Variants in ATP6V1H observed in about 807,000 individuals in gnomAD.
ATP6V1H encodes the protein V-type proton ATPase subunit H.
Under a neutral mutation model 71.7 loss-of-function variants are expected in ATP6V1H, and 39 were observed. That is an observed-to-expected ratio of 0.54 (90% CI 0.42 to 0.71). The LOEUF is 0.71. Among genes scored for constraint, ATP6V1H ranks in the 30% least tolerant of loss-of-function variants. The pLI, the probability that ATP6V1H is intolerant of heterozygous loss-of-function variation, is 0.00. For missense variants in ATP6V1H, 509 were observed against 594.9 expected, an observed-to-expected ratio of 0.86 and a Z score of 1.50; for synonymous variants, 192 against 199.3, an observed-to-expected ratio of 0.96 and a Z score of 0.31.
intron 8 of ATP6V1H, among the ~76,000 whole-genome samples, chr8:53,797,919 A>G (rs965017374): frequency 3.9e-5 from 6 of 152,188 alleles, no homozygotes; most frequent in Non-Finnish European, 8.8e-5. Flanking sequence ...TCTTCATATC[A>G]AATTATATTA....
intron 9 of ATP6V1H, among the ~76,000 whole-genome samples, chr8:53,784,427 G>A (rs1218417076): frequency 6.6e-6 from 1 of 152,082 alleles, no homozygotes; most frequent in Non-Finnish European, 1.5e-5. Context: ...GAGCCTATGT[G>A]TGTCTCTGCA....
chr8:53,816,375 A>G (rs1810450009), intron 5 of ATP6V1H, among the ~76,000 whole-genome samples: 1 of 152,134 alleles, frequency 6.6e-6, no homozygotes, highest in African/African-American at 2.4e-5. Context: ...GCCATCCCCA[A>G]CCCGTAGCCC....
At chr8:53,776,636 T>C (rs1808902328) in intron 9 of ATP6V1H, among the ~76,000 whole-genome samples, 1 of 152,178 alleles carries the variant, frequency 6.6e-6, no homozygotes, top group Non-Finnish European at 1.5e-5. Context: ...CTAGGATGTA[T>C]CATTTACAAC....
intron 7 of ATP6V1H, among the ~76,000 whole-genome samples, chr8:53,804,269 A>G (rs1298496127): frequency 6.6e-6 from 1 of 152,248 alleles, no homozygotes; most frequent in Non-Finnish European, 1.5e-5. Context: ...TTGAAGTTAA[A>G]GATGAAATAA....
intron 7 of ATP6V1H, among the ~76,000 whole-genome samples, chr8:53,804,946 A>G (rs1810030349): frequency 6.6e-6 from 1 of 152,226 alleles, no homozygotes; most frequent in African/African-American, 2.4e-5. Context: ...CAAAGATAAT[A>G]GCAACTACAG....
intron 13 of ATP6V1H, among the ~76,000 whole-genome samples, chr8:53,720,039 T>C (rs1806562859): frequency 1.3e-5 from 2 of 152,204 alleles, no homozygotes; most frequent in South Asian, 2.1e-4. Flanking sequence ...AGGAGATCTT[T>C]TGTGAATTAA....
intron 13 of ATP6V1H, among the ~76,000 whole-genome samples, chr8:53,742,843 C>T (rs1807463419): frequency 6.6e-6 from 1 of 152,084 alleles, no homozygotes; most frequent in Admixed American, 6.6e-5. Context: ...TTCCTGATGC[C>T]TTAACAAAAA....
intron 9 of ATP6V1H, among the ~76,000 whole-genome samples, chr8:53,785,848 C>G (rs1375017938): frequency 6.6e-6 from 1 of 152,192 alleles, no homozygotes; most frequent in Admixed American, 6.5e-5. Flanking sequence ...GGCTGCAGAA[C>G]AGCGGATATT....
chr8:53,776,304 G>A (rs1808888419), intron 9 of ATP6V1H, among the ~76,000 whole-genome samples: 1 of 152,216 alleles, frequency 6.6e-6, no homozygotes, highest in African/African-American at 2.4e-5. Flanking sequence ...TGCAAGCTGA[G>A]GGAGTGGGCT....
At chr8:53,812,695 GT>G (rs1180578997) in intron 6 of ATP6V1H, among the ~76,000 whole-genome samples, 1 of 151,820 alleles carries the variant, frequency 6.6e-6, no homozygotes, top group African/African-American at 2.4e-5. Context: ...TTTTTGTGGG[GT>G]TTTTTTTGTT....
At chr8:53,839,991 C>T in intron 2 of ATP6V1H, 1 of 876,230 alleles carries the variant, frequency 1.1e-6, no homozygotes, top group Non-Finnish European at 1.4e-6. Flanking sequence ...ATGACTCCCA[C>T]CCAGTGTGCT....
At chr8:53,719,745 A>G (rs1806551683) in intron 13 of ATP6V1H, among the ~76,000 whole-genome samples, 1 of 152,182 alleles carries the variant, frequency 6.6e-6, no homozygotes, top group Non-Finnish European at 1.5e-5. Flanking sequence ...CCCTTTTACA[A>G]AAGAGGAAAC....
intron 9 of ATP6V1H, among the ~76,000 whole-genome samples, chr8:53,787,133 C>T (rs932677078): frequency 2.0e-5 from 3 of 152,190 alleles, no homozygotes; most frequent in African/African-American, 7.2e-5. Context: ...GTTCACTGCA[C>T]TGCACTGATA....
At chr8:53,777,027 T>C (rs2130344768) in intron 9 of ATP6V1H, among the ~76,000 whole-genome samples, 1 of 152,262 alleles carries the variant, frequency 6.6e-6, no homozygotes, top group Non-Finnish European at 1.5e-5. Flanking sequence ...AAAAAAATAC[T>C]GTTTCTTCCC....
chr8:53,832,346 C>T (rs1457914166), intron 3 of ATP6V1H: 2 of 151,990 alleles, frequency 1.3e-5, no homozygotes, highest in Non-Finnish European at 2.9e-5. Context: ...CTACAATAAA[C>T]TTACCATGAA....
intron 4 of ATP6V1H, among the ~76,000 whole-genome samples, chr8:53,819,706 G>A (rs1157021644): frequency 1.5e-4 from 19 of 123,634 alleles, no homozygotes; most frequent in South Asian, 5.2e-4. Flanking sequence ...ATGTATATAC[G>A]TATATACATA....
At chr8:53,753,366 A>G (rs959971430) in intron 12 of ATP6V1H, among the ~76,000 whole-genome samples, 1 of 152,220 alleles carries the variant, frequency 6.6e-6, no homozygotes, top group Non-Finnish European at 1.5e-5. Context: ...TAGGAAGTCA[A>G]ATGAAGGTAC....
intron 11 of ATP6V1H, among the ~76,000 whole-genome samples, chr8:53,757,339 G>T (rs1334991263): frequency 6.6e-6 from 1 of 152,188 alleles, no homozygotes; most frequent in East Asian, 1.9e-4. Flanking sequence ...ACCACTGAGG[G>T]TGGGTGCAGC....
At chr8:53,716,995 A>C (rs1277657068) in intron 13 of ATP6V1H, among the ~76,000 whole-genome samples, 1 of 152,230 alleles carries the variant, frequency 6.6e-6, no homozygotes, top group East Asian at 1.9e-4. Context: ...GGGTATTCCC[A>C]TGGGGGCTCT....
Sources: gnomAD v4.1 joint callset for allele counts (sites outside exome capture counted in the v4.1 genomes callset) on GRCh38, gnomAD v4.1.1 for gene constraint, MANE v1.5 for transcripts, NCBI Gene and HGNC (gene_info 2026-07-23, HGNC 2026-07-21) for gene names.